CSMD1: variants seen among roughly 807,000 people sequenced by gnomAD.
The protein encoded by CSMD1 is CUB and sushi domain-containing protein 1.
Under a neutral mutation model 417.5 loss-of-function variants are expected in CSMD1, and 213 were observed. That is an observed-to-expected ratio of 0.51 (90% CI 0.46 to 0.57). The LOEUF is 0.57. Ranked by LOEUF, CSMD1 falls within the 20% of genes least tolerant of loss-of-function variation. The pLI, the probability that CSMD1 is intolerant of heterozygous loss-of-function variation, is 0.00. For synonymous variants in CSMD1, 2,862 were observed against 1,736.8 expected (o/e 1.65, Z -16.11); for missense variants, 6,923 against 4,529.7 (o/e 1.53, Z -15.17).
At chr8:3,505,593 A>G (rs989180724) in intron 10 of CSMD1, among the ~76,000 whole-genome samples, 1 of 152,212 alleles carries the variant, frequency 6.6e-6, no homozygotes. Flanking sequence ...AGAATTCTGT[A>G]CACAAACCCA....
intron 8 of CSMD1, among the ~76,000 whole-genome samples, chr8:3,603,117 G>T (rs1035604524): frequency 3.9e-5 from 6 of 152,106 alleles, no homozygotes; most frequent in African/African-American, 1.4e-4. Flanking sequence ...GGGACATAAA[G>T]GCTTCAAGGA....
chr8:4,665,290 T>C (rs908450074), intron 1 of CSMD1, among the ~76,000 whole-genome samples: 3 of 152,238 alleles, frequency 2.0e-5, no homozygotes, highest in Admixed American at 6.5e-5. Flanking sequence ...TCTCTCAGAT[T>C]GGCCTTCCTC....
chr8:4,523,881 G>A (rs886670753), intron 2 of CSMD1, among the ~76,000 whole-genome samples: 2 of 151,922 alleles, frequency 1.3e-5, no homozygotes, highest in African/African-American at 4.8e-5. Context: ...TCCTTCTTTG[G>A]TCTTTACAAA....
chr8:4,143,507 G>C (rs1055454601), intron 3 of CSMD1, among the ~76,000 whole-genome samples: 4 of 150,504 alleles, frequency 2.7e-5, no homozygotes, highest in Non-Finnish European at 4.4e-5. Flanking sequence ...TTAAACTAAA[G>C]AAGAAGTTGA....
chr8:4,262,997 A>T (rs1314419732), intron 3 of CSMD1, among the ~76,000 whole-genome samples: 3 of 152,224 alleles, frequency 2.0e-5, no homozygotes, highest in Non-Finnish European at 4.4e-5. Flanking sequence ...CCTTTAGCTC[A>T]GTCACTAATT....
At chr8:4,420,508 A>G (rs940002046) in intron 2 of CSMD1, among the ~76,000 whole-genome samples, 5 of 152,040 alleles carry the variant, frequency 3.3e-5, no homozygotes, top group African/African-American at 1.2e-4. Context: ...TGCATTATCT[A>G]TTTTTCCTAA....
At chr8:4,611,061 T>G (rs1801140865) in intron 2 of CSMD1, among the ~76,000 whole-genome samples, 1 of 152,116 alleles carries the variant, frequency 6.6e-6, no homozygotes, top group African/African-American at 2.4e-5. Flanking sequence ...TTACAAAAAC[T>G]TAAGAAAAGT....
At chr8:3,606,602 C>T (rs1392165272) in intron 8 of CSMD1, among the ~76,000 whole-genome samples, 1 of 152,090 alleles carries the variant, frequency 6.6e-6, no homozygotes, top group Non-Finnish European at 1.5e-5. Flanking sequence ...CTGTACACTC[C>T]TGTAGACCTT....
intron 11 of CSMD1, among the ~76,000 whole-genome samples, chr8:3,472,867 G>A (rs537206340): frequency 2.0e-5 from 3 of 151,708 alleles, no homozygotes; most frequent in South Asian, 2.1e-4. Flanking sequence ...ACCAGTCATC[G>A]GCCACTAGAA....
At position 4,994,573 on chromosome 8, in the gene CSMD1, C is replaced by A. The variant is rs562064867; in HGVS notation, c.-157G>T. The A allele has an allele frequency of 8.2e-5, 53 of 648,420 alleles. No individual in the cohort carries two copies. The Middle Eastern group carries it at 1.2e-3, about 14-fold the overall frequency. 40.2% of individuals were successfully genotyped at this position (648,420 alleles called of 1,614,324 possible). ...ATCCGACGCCTCCTGAAGGTCTGGGCGCCCGGCTCGCTTCCCTCTCATAGC... is the reference window on the plus strand; with the variant it reads ...ATCCGACGCCTCCTGAAGGTCTGGGAGCCCGGCTCGCTTCCCTCTCATAGC... On this transcript the variant is annotated 5_prime_UTR_variant, in exon 1 of 70. Coordinates refer to ENST00000635120, the MANE Select transcript of CSMD1 (RefSeq NM_033225.6).
intron 1 of CSMD1, among the ~76,000 whole-genome samples, chr8:4,758,788 C>G (rs915124443): frequency 2.0e-5 from 3 of 152,140 alleles, no homozygotes; most frequent in African/African-American, 4.8e-5. Context: ...GTCATGAGAA[C>G]AGCATGGGAG....
At chr8:3,657,878 C>T (rs770183939) in intron 7 of CSMD1, among the ~76,000 whole-genome samples, 1 of 152,176 alleles carries the variant, frequency 6.6e-6, no homozygotes, top group Admixed American at 6.5e-5. Context: ...CAAAAATCCT[C>T]TTGAAACTTA....
chr8:4,591,323 C>G (rs543787380), intron 2 of CSMD1, among the ~76,000 whole-genome samples: 59 of 152,318 alleles, frequency 3.9e-4, no homozygotes, highest in African/African-American at 1.4e-3. Context: ...GTAATTCTTT[C>G]TGGTCTAGGT....
At chr8:4,129,642 G>C (rs1030570152) in intron 3 of CSMD1, among the ~76,000 whole-genome samples, 4 of 151,950 alleles carry the variant, frequency 2.6e-5, no homozygotes, top group African/African-American at 4.8e-5. Flanking sequence ...AAATTTGGTA[G>C]GATATTCTCT....
At chr8:4,134,043 G>C (rs1803270812) in intron 3 of CSMD1, among the ~76,000 whole-genome samples, 1 of 152,102 alleles carries the variant, frequency 6.6e-6, no homozygotes, top group Non-Finnish European at 1.5e-5. Flanking sequence ...ATTTAAATGA[G>C]ATTAGCTATT....
intron 3 of CSMD1, among the ~76,000 whole-genome samples, chr8:4,342,707 G>C (rs1800549622): frequency 6.6e-6 from 1 of 152,062 alleles, no homozygotes; most frequent in African/African-American, 2.4e-5. Flanking sequence ...ATTCCCAGGA[G>C]GTTAGCAAAG....
At chr8:4,058,473 T>A (rs528665675) in intron 3 of CSMD1, among the ~76,000 whole-genome samples, 1 of 152,314 alleles carries the variant, frequency 6.6e-6, no homozygotes, top group East Asian at 1.9e-4. Flanking sequence ...AATCACGTCA[T>A]CTGCAAACAG....
At chr8:3,476,942 G>T (rs113592940) in intron 11 of CSMD1, among the ~76,000 whole-genome samples, 2 of 148,022 alleles carry the variant, frequency 1.4e-5, no homozygotes, top group Admixed American at 6.7e-5. Context: ...ATGTGAATCA[G>T]TAAGTAGTTC....
chr8:4,365,985 CTG>C (rs1194429739), intron 3 of CSMD1, among the ~76,000 whole-genome samples: 5 of 151,948 alleles, frequency 3.3e-5, no homozygotes, highest in South Asian at 2.1e-4. Context: ...CATGGGGAAA[CTG>C]TGTGTTGTTG....
Sources: allele counts gnomAD v4.1 joint callset (sites outside exome capture counted in the v4.1 genomes callset), GRCh38; gene constraint gnomAD v4.1.1; transcripts MANE v1.5; gene names NCBI Gene and HGNC (gene_info 2026-07-23, HGNC 2026-07-21).